The following SERPINB7 variants were observed in gnomAD, a reference collection of about 807,000 sequenced individuals.
The protein encoded by SERPINB7 is serpin B7.
Under a neutral mutation model 37.4 loss-of-function variants are expected in SERPINB7, and 31 were observed. The observed-to-expected ratio is 0.83, with a 90% CI of 0.62 to 1.12. SERPINB7 has a LOEUF of 1.12. Among genes scored for constraint, SERPINB7 ranks in the 50% most tolerant of loss-of-function variants. SERPINB7 has a pLI of 0.00. For synonymous variants in SERPINB7, 163 were observed against 166.1 expected (o/e 0.98, Z 0.14); for missense variants, 521 against 455.3 (o/e 1.14, Z -1.31).
At chr18:63,783,363 C>G (rs1462230791) in intron 2 of SERPINB7, among the ~76,000 whole-genome samples, 5 of 152,096 alleles carry the variant, frequency 3.3e-5, no homozygotes, top group Non-Finnish European at 5.9e-5. Context: ...ACCCAGCACT[C>G]TGGGTTTTAA....
At chr18:63,771,489 T>C (rs1413285062), upstream of SERPINB7, among the ~76,000 whole-genome samples, 1 of 152,158 alleles carries the variant, frequency 6.6e-6, no homozygotes, top group Non-Finnish European at 1.5e-5. Flanking sequence ...CCTAATCTTA[T>C]TAGACTTCCC....
chr18:63,795,111 T>C (rs2689396), intron 4 of SERPINB7, among the ~76,000 whole-genome samples: 24,295 of 152,210 alleles, frequency 0.16, 2,959 homozygotes, highest in East Asian at 0.44. Flanking sequence ...AGGCAATGTG[T>C]TAGGTACTGG....
chr18:63,784,310 A>G (rs2049343167), intron 2 of SERPINB7, among the ~76,000 whole-genome samples: 1 of 152,138 alleles, frequency 6.6e-6, no homozygotes, highest in South Asian at 2.1e-4. Flanking sequence ...TGCATCATTT[A>G]GCAGCATTCC....
chr18:63,791,827 G>A (rs886655696), intron 2 of SERPINB7, among the ~76,000 whole-genome samples: 1 of 152,024 alleles, frequency 6.6e-6, no homozygotes, highest in Non-Finnish European at 1.5e-5. Flanking sequence ...AGCCAGGATG[G>A]TCTCGATCTC....
At chr18:63,804,160 C>G in intron 7 of SERPINB7, 77 bp from the exon 8 acceptor site, 1 of 1,069,308 alleles carries the variant, frequency 9.4e-7, no homozygotes, top group Non-Finnish European at 1.3e-6. Flanking sequence ...TTATAGAAAA[C>G]TATGTATCTC....
At chr18:63,761,118 G>C (rs889415762) in intron 1 of SERPINB7, among the ~76,000 whole-genome samples, 1 of 152,218 alleles carries the variant, frequency 6.6e-6, no homozygotes, top group Non-Finnish European at 1.5e-5. Flanking sequence ...GAGGCAGGCT[G>C]TATCCTGCAA....
At chr18:63,776,108 G>C (rs2049245048) in intron 1 of SERPINB7, among the ~76,000 whole-genome samples, 1 of 152,088 alleles carries the variant, frequency 6.6e-6, no homozygotes, top group Non-Finnish European at 1.5e-5. Context: ...TCAATTATCA[G>C]TTATACACAA....
At chr18:63,756,803 C>CT (rs1247559718) in intron 1 of SERPINB7, among the ~76,000 whole-genome samples, 2 of 39,052 alleles carry the variant, frequency 5.1e-5, no homozygotes, top group East Asian at 1.3e-3. Context: ...CTTGGGGTAG[C>CT]TTGTGTGTGT....
Position 63,775,508 on chromosome 18 carries a change from C to T in SERPINB7, c.-227C>T, listed in dbSNP as rs1477468986. 6.6e-6 allele frequency: 1 copy of T among 152,132 alleles called. No homozygotes were observed. Among genetic ancestry groups the T allele is most frequent in the Non-Finnish European group, 1.5e-5 (1 of 68,024 alleles). The allele number at this position is 152,132 out of a possible 1,614,324, so 9.4% of individuals were successfully genotyped here. On this transcript the variant is annotated 5_prime_UTR_variant, in exon 1 of 8. Transcript: ENST00000398019. The stretch of plus-strand genomic sequence containing the variant: ...TCAGAATTTTAGAACAAATTTTTGT[C>T]TAGAAATGCTGACTTTGGTTCATTA...
intron 2 of SERPINB7, among the ~76,000 whole-genome samples, chr18:63,782,860 C>T (rs930965306): frequency 1.3e-5 from 2 of 152,158 alleles, no homozygotes; most frequent in South Asian, 2.1e-4. Flanking sequence ...AAATGCTGGC[C>T]GGGCGCGGTG....
At chr18:63,781,093 A>T (rs1205225369) in intron 1 of SERPINB7, among the ~76,000 whole-genome samples, 2 of 152,210 alleles carry the variant, frequency 1.3e-5, no homozygotes, top group Non-Finnish European at 2.9e-5. Context: ...AAAGGCCTTA[A>T]GTATTTGCAA....
In SERPINB7 at chr18:63,798,591, T is replaced by G. The variant is rs1014939695; in HGVS notation, c.455-13T>G. The stretch of plus-strand genomic sequence containing the variant: ...TAAAATAAACATTTTTCCCTCAATT[T>G]TTTTTTCAAAAGGCAAAATCAAGAA... On this transcript the variant is annotated splice_polypyrimidine_tract_variant and intron_variant, in intron 5 of 7. Transcript: ENST00000398019. The G allele has an allele frequency of 6.5e-7, 1 of 1,541,314 alleles. No individual in the cohort carries two copies. Among genetic ancestry groups the G allele is most frequent in the Admixed American group, 2.2e-5 (1 of 45,634 alleles).
intron 5 of SERPINB7, among the ~76,000 whole-genome samples, chr18:63,797,842 G>C (rs2049504472): frequency 6.6e-6 from 1 of 152,092 alleles, no homozygotes; most frequent in African/African-American, 2.4e-5. Flanking sequence ...TTCCAATCTT[G>C]CCAACCTTAT....
intron 1 of SERPINB7, among the ~76,000 whole-genome samples, chr18:63,754,893 T>C (rs2049112047): frequency 1.6e-5 from 2 of 127,452 alleles, no homozygotes; most frequent in African/African-American, 5.9e-5. Flanking sequence ...TTTTTTTTTT[T>C]TTTTTTTTTT....
In SERPINB7 at chr18:63,800,978, T is replaced by C. The variant is rs753285412; in HGVS notation, c.710T>C (p.Met237Thr). ...CTCAGATACAATGGTGGCATAAACATGTACGTTCTGCTGCCTGAGAATGAC... is the reference window on the plus strand; with the variant it reads ...CTCAGATACAATGGTGGCATAAACACGTACGTTCTGCTGCCTGAGAATGAC... ...LELRYNGGINMYVLLPENDLS... is the reference protein window; with the variant it reads ...LELRYNGGINTYVLLPENDLS... Residue 237 changes from methionine (M) to threonine (T), a missense_variant, in exon 7 of 8, where the codon ATG becomes ACG. Coordinates refer to ENST00000398019, the MANE Select transcript of SERPINB7 (RefSeq NM_003784.4). The C allele has an allele frequency of 3.1e-6, 5 of 1,613,828 alleles. No homozygotes were observed. In the East Asian group the frequency reaches 1.1e-4, roughly 36 times the overall value.
chr18:63,753,756 A>G (rs1481022752), intron 1 of SERPINB7, among the ~76,000 whole-genome samples: 2 of 152,202 alleles, frequency 1.3e-5, no homozygotes, highest in African/African-American at 4.8e-5. Context: ...AACTTTAGCA[A>G]CAATTTTGAG....
At chr18:63,779,994 A>T (rs1307791556) in intron 1 of SERPINB7, among the ~76,000 whole-genome samples, 1 of 152,102 alleles carries the variant, frequency 6.6e-6, no homozygotes, top group African/African-American at 2.4e-5. Flanking sequence ...CCAGACCCCC[A>T]TTGGCCCGTG....
chr18:63,793,923 C>A (rs895506190), intron 4 of SERPINB7, among the ~76,000 whole-genome samples: 1 of 150,902 alleles, frequency 6.6e-6, no homozygotes, highest in African/African-American at 2.5e-5. Context: ...TGCTTAGTGG[C>A]TTCTAGCTCT....
At chr18:63,796,489 A>T in intron 5 of SERPINB7, 106 bp downstream of exon 5, 1 of 600,698 alleles carries the variant, frequency 1.7e-6, no homozygotes, top group Non-Finnish European at 3.0e-6. Context: ...AGCTCCTCCT[A>T]GTTCAAAGTA....
Sources: gnomAD v4.1 joint callset for allele counts (sites outside exome capture counted in the v4.1 genomes callset) on GRCh38, gnomAD v4.1.1 for gene constraint, MANE v1.5 for transcripts, NCBI Gene and HGNC (gene_info 2026-07-23, HGNC 2026-07-21) for gene names.